The following RGS22 variants were observed in gnomAD, a reference collection of about 807,000 sequenced individuals.
RGS22 encodes regulator of G protein signaling 22, also known as regulator of G-protein signaling 22.
In RGS22, 148 loss-of-function variants were observed where a neutral mutation model predicts 172.9. The observed-to-expected ratio is 0.86, with a 90% CI of 0.75 to 0.98. RGS22 has a LOEUF of 0.98. Among genes scored for constraint, RGS22 ranks in the 50% least tolerant of loss-of-function variants. The probability of loss-of-function intolerance (pLI) is 0.00; values close to 1 mark genes in which losing one functional copy is unlikely to be tolerated. For synonymous variants in RGS22, 458 were observed against 480.2 expected (o/e 0.95, Z 0.60); for missense variants, 1,347 against 1,440.8 (o/e 0.93, Z 1.05).
chr8:100,077,806 G>A (rs931080215), intron 4 of RGS22, among the ~76,000 whole-genome samples: 1 of 152,150 alleles, frequency 6.6e-6, no homozygotes, highest in Non-Finnish European at 1.5e-5. Context: ...CAGTTACTGA[G>A]AGAGCAGTGC....
intron 6 of RGS22, 73 bp downstream of exon 6, chr8:100,071,296 A>G (rs1586201854): frequency 7.7e-7 from 1 of 1,296,546 alleles, no homozygotes; most frequent in Non-Finnish European, 1.1e-6. Context: ...CAAAAAATAT[A>G]TGTATAAAAT....
chr8:100,035,393 CA>C (rs1819332782), intron 14 of RGS22, among the ~76,000 whole-genome samples: 1 of 152,178 alleles, frequency 6.6e-6, no homozygotes, highest in Non-Finnish European at 1.5e-5. Context: ...AAATGCAAAT[CA>C]AAACCACAAT....
chr8:99,987,529 G>A lies in RGS22; in HGVS notation c.3109C>T (p.Arg1037Cys), dbSNP rs370385204. ...AAATCTCCTTTTAGAGCCACAAAAC[G>A]TTGAAATTGTCTTGAAGTAACTGGA... ...LNPVTSRQFQ[R>C]FVALKGDLLE... The change falls in exon 21 of 28, where the codon CGT becomes TGT. Residue 1037 changes from arginine to cysteine, a missense_variant. Arg to Cys is a radical substitution (Grantham distance 180, BLOSUM62 -3). Coordinates refer to ENST00000360863, the MANE Select transcript of RGS22 (RefSeq NM_015668.5). 1.5e-5 allele frequency: 24 copies of A among 1,611,328 alleles called. No homozygotes were observed. Among genetic ancestry groups the A allele is most frequent in the African/African-American group, 5.3e-5 (4 of 74,820 alleles).
intron 6 of RGS22, among the ~76,000 whole-genome samples, chr8:100,066,979 G>A (rs1810578002): frequency 2.0e-5 from 3 of 152,120 alleles, no homozygotes; most frequent in Non-Finnish European, 4.4e-5. Context: ...GCCCTAAGAA[G>A]CTCCTATCCT....
chr8:99,984,823 A>ACACT (rs1554605216), intron 21 of RGS22, among the ~76,000 whole-genome samples: 19 of 151,372 alleles, frequency 1.3e-4, no homozygotes, highest in African/African-American at 4.4e-4. Context: ...ACACACACAC[A>ACACT]CTTTAGATTA....
At chr8:100,016,954 C>T (rs1400084591) in intron 14 of RGS22, among the ~76,000 whole-genome samples, 1 of 143,536 alleles carries the variant, frequency 7.0e-6, no homozygotes, top group Non-Finnish European at 1.5e-5. Context: ...TACACTCTCC[C>T]TACATCCCTG....
At chr8:100,096,269 G>A (rs1812961257) in intron 2 of RGS22, among the ~76,000 whole-genome samples, 1 of 152,186 alleles carries the variant, frequency 6.6e-6, no homozygotes, top group Non-Finnish European at 1.5e-5. Context: ...AACTGGTGAT[G>A]GTTAATGGTA....
At chr8:100,041,752 C>T (rs922207) in intron 12 of RGS22, 50 bp downstream of exon 12, 538,967 of 929,014 alleles carry the variant, frequency 0.58, 158,199 homozygotes, top group Admixed American at 0.68. Context: ...TCAGGAGATA[C>T]TGATCAGTTA....
intron 1 of RGS22, 124 bp downstream of exon 1, chr8:100,105,772 CT>C: frequency 2.3e-6 from 2 of 860,414 alleles, no homozygotes; most frequent in South Asian, 1.8e-5. Context: ...CAGTGAAGCC[CT>C]TTTTTCTCAT....
intron 23 of RGS22, among the ~76,000 whole-genome samples, chr8:99,974,595 C>T (rs145185159): frequency 0.031 from 4,627 of 149,430 alleles, 103 homozygotes; most frequent in Non-Finnish European, 0.046. Context: ...GTCAGGAGTT[C>T]GAGACCAGCC....
intron 4 of RGS22, among the ~76,000 whole-genome samples, chr8:100,079,252 C>T (rs1197833785): frequency 6.6e-6 from 1 of 152,140 alleles, no homozygotes; most frequent in Non-Finnish European, 1.5e-5. Flanking sequence ...GAATATATAT[C>T]CTTGTTCTGG....
intron 11 of RGS22, among the ~76,000 whole-genome samples, chr8:100,043,659 C>T (rs1352435361): frequency 6.6e-6 from 1 of 152,026 alleles, no homozygotes; most frequent in Non-Finnish European, 1.5e-5. Flanking sequence ...ACCTGTAATC[C>T]CAGCTGCTTG....
At chr8:99,961,423 TAGTG>T (rs1178182518) in intron 27 of RGS22, among the ~76,000 whole-genome samples, 2 of 152,196 alleles carry the variant, frequency 1.3e-5, no homozygotes, top group African/African-American at 4.8e-5. Context: ...GTTCTCATGA[TAGTG>T]AGTGAGTTCT....
chr8:99,980,134 T>C (rs1401281190), intron 22 of RGS22, among the ~76,000 whole-genome samples: 1 of 152,206 alleles, frequency 6.6e-6, no homozygotes, highest in African/African-American at 2.4e-5. Context: ...CTCACTATAT[T>C]GCCCAGGCTG....
At chr8:100,046,939 C>T (rs1226417299) in intron 11 of RGS22, among the ~76,000 whole-genome samples, 1 of 151,904 alleles carries the variant, frequency 6.6e-6, no homozygotes, top group African/African-American at 2.4e-5. Flanking sequence ...CTCAGCCTTC[C>T]GAGTAGTTGA....
At chr8:100,062,086 G>A (rs1810180660) in intron 9 of RGS22, among the ~76,000 whole-genome samples, 2 of 152,168 alleles carry the variant, frequency 1.3e-5, no homozygotes, top group South Asian at 4.1e-4. Context: ...TTATAAGTGG[G>A]AGCTAAATGA....
At chr8:100,060,170 C>T (rs1809995869) in intron 9 of RGS22, among the ~76,000 whole-genome samples, 1 of 151,882 alleles carries the variant, frequency 6.6e-6, no homozygotes, top group Non-Finnish European at 1.5e-5. Context: ...ATTCTCTTTC[C>T]CTTGCTTCAA....
At chr8:100,101,028 C>T (rs1813429205) in intron 2 of RGS22, among the ~76,000 whole-genome samples, 2 of 152,146 alleles carry the variant, frequency 1.3e-5, no homozygotes, top group South Asian at 4.1e-4. Flanking sequence ...TTCCTGGATT[C>T]CATTTTTTGA....
chr8:99,991,330 G>A (rs1038400879), intron 20 of RGS22, among the ~76,000 whole-genome samples: 7 of 152,172 alleles, frequency 4.6e-5, no homozygotes, highest in African/African-American at 1.7e-4. Flanking sequence ...AGCTAAAGGA[G>A]GATGTTGGAA....
Sources: allele counts gnomAD v4.1 joint callset (sites outside exome capture counted in the v4.1 genomes callset), GRCh38; gene constraint gnomAD v4.1.1; transcripts MANE v1.5; gene names NCBI Gene and HGNC (gene_info 2026-07-23, HGNC 2026-07-21).